Variants in TSPAN18 observed in about 807,000 individuals in gnomAD.
TSPAN18 encodes tetraspanin-18.
TSPAN18 carries 14 observed loss-of-function variants against 27.3 expected under a neutral mutation model. The observed-to-expected ratio is 0.51, with a 90% CI of 0.34 to 0.80. TSPAN18 has a LOEUF of 0.80. Among genes scored for constraint, TSPAN18 ranks in the 30% least tolerant of loss-of-function variants. TSPAN18 has a pLI of 0.01. For synonymous variants in TSPAN18, 143 were observed against 136.5 expected (o/e 1.05, Z -0.33); for missense variants, 268 against 323.9 (o/e 0.83, Z 1.32).
At chr11:44,783,906 G>A (rs942352918) in intron 2 of TSPAN18, among the ~76,000 whole-genome samples, 2 of 152,152 alleles carry the variant, frequency 1.3e-5, no homozygotes, top group African/African-American at 4.8e-5. Flanking sequence ...TGTTCACAAA[G>A]CTCCCTCACC....
chr11:44,816,906 A>T (rs1353706472), intron 2 of TSPAN18, among the ~76,000 whole-genome samples: 1 of 151,676 alleles, frequency 6.6e-6, no homozygotes, highest in Admixed American at 6.6e-5. Context: ...TGTCCCTGCC[A>T]AGGAAGAGCA....
In TSPAN18 at chr11:44,909,689, C is replaced by T; in HGVS notation, c.64-16C>T. On this transcript the variant is annotated splice_polypyrimidine_tract_variant and intron_variant, in intron 4 of 9. Coordinates refer to ENST00000520358, the MANE Select transcript of TSPAN18 (RefSeq NM_130783.5). The stretch of plus-strand genomic sequence containing the variant: ...CTGCCTGTTTCTCCTCCCAACTCCT[C>T]CACTGGCCCGAGCAGCTGGGCGGGG... 1 of 1,603,038 alleles carries T rather than the reference C, an allele frequency of 6.2e-7. No individual in the cohort carries two copies. Among genetic ancestry groups the T allele is most frequent in the Non-Finnish European group, 8.5e-7 (1 of 1,176,614 alleles).
At position 44,929,447 on chromosome 11, in the gene TSPAN18, C is replaced by T; in HGVS notation, c.*269C>T. 1 of 493,082 alleles carries T rather than the reference C, an allele frequency of 2.0e-6. No homozygotes were observed. Among genetic ancestry groups the T allele is most frequent in the East Asian group, 3.3e-5 (1 of 29,876 alleles). 30.5% of individuals were successfully genotyped at this position (493,082 alleles called of 1,614,324 possible). A position where few individuals can be genotyped will look rare whatever the true frequency, so the allele number is the denominator to read the frequency against. ...AGCAACTGGCCCAGGATGCAGGCTGCTCTAGAGACCAAAGGAACACCAGGC... is the reference window on the plus strand; with the variant it reads ...AGCAACTGGCCCAGGATGCAGGCTGTTCTAGAGACCAAAGGAACACCAGGC... On this transcript the variant is annotated 3_prime_UTR_variant, in exon 10 of 10. Transcript: ENST00000520358.
rs1214607987 is a variant in TSPAN18, at chr11:44,727,295, G to T, written c.-240+8G>T. 6.6e-6 allele frequency: 1 copy of T among 151,852 alleles called. No homozygotes were observed. Among genetic ancestry groups the T allele is most frequent in the Non-Finnish European group, 1.5e-5 (1 of 67,974 alleles). 9.4% of individuals were successfully genotyped at this position (151,852 alleles called of 1,614,324 possible). A position where few individuals can be genotyped will look rare whatever the true frequency, so the allele number is the denominator to read the frequency against. ...GGCAGCCGCCGCTGGAAGGTATGGG[G>T]CTCCGCACCTCCGTGCCCTCCGCAC... On this transcript the variant is annotated splice_region_variant and intron_variant, in intron 1 of 9. Transcript: ENST00000520358.
Position 44,908,821 on chromosome 11 carries a change from A to AAG in TSPAN18, c.64-882_64-881dup, listed in dbSNP as rs756694653. ...AAAGAAAGAAAGAAAGAAAGAAAGA[A>AAG]AGAAAGAAAAAGAAAAATGGAGCAG... On this transcript the variant is annotated intron_variant, in intron 4 of 9. Coordinates refer to ENST00000520358, the MANE Select transcript of TSPAN18 (RefSeq NM_130783.5). Among the ~76,000 whole-genome samples, 61 of 114,308 alleles carry AAG rather than the reference A, an allele frequency of 5.3e-4. 3 individuals are homozygous for AAG. Among genetic ancestry groups the AAG allele is most frequent in the Non-Finnish European group, 5.3e-4 (29 of 54,266 alleles). The allele number at this position is 114,308 out of a possible 152,430, so 75.0% of individuals were successfully genotyped here. A position where few individuals can be genotyped will look rare whatever the true frequency, so the allele number is the denominator to read the frequency against.
intron 2 of TSPAN18, among the ~76,000 whole-genome samples, chr11:44,823,473 A>G (rs1274041051): frequency 1.3e-5 from 2 of 151,126 alleles, no homozygotes; most frequent in Admixed American, 6.6e-5. Flanking sequence ...GTGCATGCCA[A>G]TTGATTTAGG....
At chr11:44,836,838 C>T (rs1857273919) in intron 2 of TSPAN18, among the ~76,000 whole-genome samples, 1 of 152,196 alleles carries the variant, frequency 6.6e-6, no homozygotes, top group African/African-American at 2.4e-5. Context: ...GCCTGGATGA[C>T]AGCACGTCTG....
intron 1 of TSPAN18, among the ~76,000 whole-genome samples, chr11:44,754,368 C>G (rs920785745): frequency 2.6e-5 from 4 of 152,194 alleles, no homozygotes; most frequent in Non-Finnish European, 5.9e-5. Flanking sequence ...AATACTGCTT[C>G]TCTCCGAGGC....
chr11:44,918,914 A>C (rs2135364345), intron 6 of TSPAN18, among the ~76,000 whole-genome samples: 1 of 151,722 alleles, frequency 6.6e-6, no homozygotes, highest in South Asian at 2.1e-4. Context: ...GGTGAGGTGC[A>C]AACTCCCCAC....
At chr11:44,773,188 A>G (rs6485573) in intron 2 of TSPAN18, among the ~76,000 whole-genome samples, 106,614 of 151,796 alleles carry the variant, frequency 0.7, 38,529 homozygotes, top group Non-Finnish European at 0.78. Flanking sequence ...AGGCCAAGGC[A>G]GGTGGATCAC....
intron 1 of TSPAN18, among the ~76,000 whole-genome samples, chr11:44,734,695 C>T (rs1366891020): frequency 6.6e-6 from 1 of 152,174 alleles, no homozygotes; most frequent in Admixed American, 6.5e-5. Context: ...GAATTTGGAG[C>T]CCTGGGTCTT....
intron 3 of TSPAN18, chr11:44,886,703 CTAAAGATCTG>C (rs1385575149): frequency 6.6e-6 from 1 of 152,228 alleles, no homozygotes; most frequent in Non-Finnish European, 1.5e-5. Flanking sequence ...GCCTTCCTTC[CTAAAGATCTG>C]TAAGAATAAG....
At chr11:44,869,668 G>A (rs970693493) in intron 3 of TSPAN18, among the ~76,000 whole-genome samples, 9 of 152,168 alleles carry the variant, frequency 5.9e-5, no homozygotes, top group Non-Finnish European at 1.0e-4. Context: ...GCCAGGCCCC[G>A]TCCATGACTT....
At chr11:44,743,648 C>T (rs1406806098) in intron 1 of TSPAN18, among the ~76,000 whole-genome samples, 1 of 152,238 alleles carries the variant, frequency 6.6e-6, no homozygotes, top group Admixed American at 6.5e-5. Flanking sequence ...TGCCCTTGGG[C>T]ATTTCCCGCC....
intron 3 of TSPAN18, among the ~76,000 whole-genome samples, chr11:44,865,392 C>G (rs780737802): frequency 4.6e-5 from 7 of 152,152 alleles, no homozygotes; most frequent in African/African-American, 1.4e-4. Context: ...GGTAAATGCT[C>G]AAGAAAGGAT....
chr11:44,909,110 G>A lies in TSPAN18; in HGVS notation c.64-595G>A, dbSNP rs945547316. On this transcript the variant is annotated intron_variant, in intron 4 of 9. Coordinates refer to ENST00000520358, the MANE Select transcript of TSPAN18 (RefSeq NM_130783.5). Reference sequence around the variant, plus strand: ...TCTTTTGAGCTATGGATTTGAGAGTGGGGAGCCCACTCTCAAGTTGGAACC... The same window carrying A: ...TCTTTTGAGCTATGGATTTGAGAGTAGGGAGCCCACTCTCAAGTTGGAACC... Among the ~76,000 whole-genome samples the A allele has an allele frequency of 3.3e-5, 5 of 152,162 alleles. No homozygotes were observed. The South Asian group carries it at 1.0e-3, about 32-fold the overall frequency.
intron 1 of TSPAN18, among the ~76,000 whole-genome samples, chr11:44,734,092 T>C (rs1460012509): frequency 6.6e-6 from 1 of 152,116 alleles, no homozygotes; most frequent in Admixed American, 6.5e-5. Flanking sequence ...TCTCTCTTGC[T>C]TTGCCTCTCA....
At chr11:44,863,719 A>G (rs1292874168) in intron 3 of TSPAN18, among the ~76,000 whole-genome samples, 1 of 152,186 alleles carries the variant, frequency 6.6e-6, no homozygotes, top group Non-Finnish European at 1.5e-5. Flanking sequence ...ATTCCATGTC[A>G]GACCTGGGTT....
At chr11:44,746,632 CT>C (rs530669284) in intron 1 of TSPAN18, among the ~76,000 whole-genome samples, 187 of 152,238 alleles carry the variant, frequency 1.2e-3, no homozygotes, top group African/African-American at 4.3e-3. Flanking sequence ...TGGTGCATGC[CT>C]GTAGTCCCAG....
Sources: allele counts gnomAD v4.1 joint callset (sites outside exome capture counted in the v4.1 genomes callset), GRCh38; gene constraint gnomAD v4.1.1; transcripts MANE v1.5; gene names NCBI Gene and HGNC (gene_info 2026-07-23, HGNC 2026-07-21).